Variants in SLC44A1 observed in about 807,000 individuals in gnomAD.
SLC44A1 encodes choline transporter-like protein 1.
SLC44A1 carries 26 observed loss-of-function variants against 79.3 expected under a neutral mutation model. The ratio of observed to expected loss-of-function variants is 0.33; its 90% CI spans 0.24 to 0.46. SLC44A1 has a LOEUF of 0.46. Ranked by LOEUF, SLC44A1 falls within the 20% of genes least tolerant of loss-of-function variation. The pLI is 1.00. For synonymous variants in SLC44A1, 263 were observed against 286.2 expected, an observed-to-expected ratio of 0.92 and a Z score of 0.82; for missense variants, 688 against 798.1, an observed-to-expected ratio of 0.86 and a Z score of 1.66.
At chr9:105,422,103 C>T (rs1829260513) in intron 15 of SLC44A1, among the ~76,000 whole-genome samples, 1 of 152,032 alleles carries the variant, frequency 6.6e-6, no homozygotes, top group Admixed American at 6.6e-5. Flanking sequence ...CCACCAACTT[C>T]CTTTTTATCC....
At chr9:105,258,503 A>G (rs1484730620) in intron 1 of SLC44A1, among the ~76,000 whole-genome samples, 1 of 152,198 alleles carries the variant, frequency 6.6e-6, no homozygotes, top group African/African-American at 2.4e-5. Context: ...CAGAAAGGCT[A>G]GGTACCTTGA....
intron 15 of SLC44A1, among the ~76,000 whole-genome samples, chr9:105,411,541 T>C (rs1475629572): frequency 6.7e-6 from 1 of 149,788 alleles, no homozygotes; most frequent in African/African-American, 2.5e-5. Context: ...ATGTTCTTTA[T>C]GGAAAAAAGC....
At chr9:105,337,819 T>C (rs1467027179) in intron 4 of SLC44A1, among the ~76,000 whole-genome samples, 1 of 152,160 alleles carries the variant, frequency 6.6e-6, no homozygotes, top group Non-Finnish European at 1.5e-5. Context: ...AGAGATGCCC[T>C]ATGGTCCCCT....
chr9:105,263,875 C>T (rs1829899548), intron 1 of SLC44A1, among the ~76,000 whole-genome samples: 1 of 152,058 alleles, frequency 6.6e-6, no homozygotes, highest in African/African-American at 2.4e-5. Flanking sequence ...ATTTCTAGGG[C>T]TTGTTATTTT....
intron 15 of SLC44A1, among the ~76,000 whole-genome samples, chr9:105,402,973 A>AGCT (rs1325291155): frequency 3.4e-5 from 4 of 117,564 alleles, no homozygotes; most frequent in Non-Finnish European, 6.9e-5. Context: ...CTTCACACCC[A>AGCT]GCTTTTTTTT....
intron 1 of SLC44A1, among the ~76,000 whole-genome samples, chr9:105,271,366 C>CT (rs1161671201): frequency 3.3e-5 from 5 of 152,124 alleles, no homozygotes; most frequent in Admixed American, 6.5e-5. Context: ...TCCCTTGTAT[C>CT]TTTTTTTCCC....
chr9:105,373,388 T>C (rs1272707344), intron 12 of SLC44A1, among the ~76,000 whole-genome samples: 1 of 152,142 alleles, frequency 6.6e-6, no homozygotes, highest in Non-Finnish European at 1.5e-5. Flanking sequence ...AAAACATCAA[T>C]GCTGTTCTAG....
At chr9:105,331,346 G>T (rs1347694657) in intron 3 of SLC44A1, among the ~76,000 whole-genome samples, 2 of 152,170 alleles carry the variant, frequency 1.3e-5, no homozygotes, top group Non-Finnish European at 2.9e-5. Context: ...TGCCCTGTTG[G>T]GAGTGAAAGT....
chr9:105,298,031 G>C (rs1453127026), intron 1 of SLC44A1, among the ~76,000 whole-genome samples: 1 of 151,878 alleles, frequency 6.6e-6, no homozygotes, highest in East Asian at 1.9e-4. Context: ...TCATTAGAAA[G>C]CTCAGGGGGG....
At chr9:105,291,178 A>T (rs1009831309) in intron 1 of SLC44A1, among the ~76,000 whole-genome samples, 1 of 152,246 alleles carries the variant, frequency 6.6e-6, no homozygotes, top group African/African-American at 2.4e-5. Context: ...AAAATGATAT[A>T]CATCAGCTCT....
chr9:105,354,119 C>T (rs1256483827), intron 5 of SLC44A1, among the ~76,000 whole-genome samples: 3 of 130,936 alleles, frequency 2.3e-5, no homozygotes, highest in African/African-American at 6.0e-5. Context: ...GGCGCGATCT[C>T]GGCTCACTGC....
At chr9:105,272,578 G>A (rs1830102230) in intron 1 of SLC44A1, among the ~76,000 whole-genome samples, 1 of 150,592 alleles carries the variant, frequency 6.6e-6, no homozygotes. Flanking sequence ...GTATGTATTA[G>A]GTATCACTAT....
In SLC44A1 at chr9:105,265,390, T is replaced by C. The variant is rs559391369; in HGVS notation, c.36+20486T>C. On this transcript the variant is annotated intron_variant, in intron 1 of 15. Transcript: ENST00000374720. ...ATGTCATATAAATGGAATCATACAG[T>C]ATTGTAAACCTTTTGAGTTTGGCTT... is the stretch of plus-strand genomic sequence containing the variant. Among the ~76,000 whole-genome samples the C allele has an allele frequency of 2.6e-5, 4 of 152,346 alleles. No homozygotes were observed. The East Asian group carries it at 7.7e-4, about 29-fold the overall frequency.
At chr9:105,399,979 T>G (rs2131497574), downstream of SLC44A1, among the ~76,000 whole-genome samples, 1 of 149,954 alleles carries the variant, frequency 6.7e-6, no homozygotes, top group Admixed American at 6.6e-5. Context: ...GTGGATCACC[T>G]GAGGTAAGGT....
At chr9:105,282,830 G>A (rs550002133) in intron 1 of SLC44A1, among the ~76,000 whole-genome samples, 1 of 152,344 alleles carries the variant, frequency 6.6e-6, no homozygotes, top group African/African-American at 2.4e-5. Flanking sequence ...ACAGGCGTGA[G>A]CCACTGCGCC....
intron 3 of SLC44A1, among the ~76,000 whole-genome samples, chr9:105,314,918 A>C: frequency 6.6e-6 from 1 of 152,252 alleles, no homozygotes. Context: ...TTACAGGTGA[A>C]GAAACTGAGT....
intron 3 of SLC44A1, among the ~76,000 whole-genome samples, chr9:105,318,871 G>T (rs1826289625): frequency 6.6e-6 from 1 of 152,082 alleles, no homozygotes. Flanking sequence ...TCTCCGTGTT[G>T]TTTGACTAGG....
At position 105,390,430 on chromosome 9, in the gene SLC44A1, CAAAAAAAAAA is replaced by C; in HGVS notation, c.*1386_*1395del. ...TATTGCACTAAATACAGGCTCTGTA[CAAAAAAAAAA>C]AAAAAAAAAAAGCCTCAGCATTTTA... On this transcript the variant is annotated 3_prime_UTR_variant, in exon 16 of 16. Coordinates refer to ENST00000374720, the MANE Select transcript of SLC44A1 (RefSeq NM_080546.5). 2 of 822,934 alleles carry C rather than the reference CAAAAAAAAAA, an allele frequency of 2.4e-6. No homozygotes were observed. Among genetic ancestry groups the C allele is most frequent in the Non-Finnish European group, 2.8e-6 (2 of 718,802 alleles). 51.0% of individuals were successfully genotyped at this position (822,934 alleles called of 1,614,324 possible).
rs550525975 is a variant in SLC44A1, at chr9:105,322,199, G to A, written c.269+12333G>A. ...CACTAAATTAGCTGTGAACTTTCTG[G>A]TTTTGAAGGCAGGAAGGGAAACATA... On this transcript the variant is annotated intron_variant, in intron 3 of 15. Coordinates refer to ENST00000374720, the MANE Select transcript of SLC44A1 (RefSeq NM_080546.5). Among the ~76,000 whole-genome samples, 14 of 152,286 alleles carry A rather than the reference G, an allele frequency of 9.2e-5. 1 individual carries two copies. The highest frequency in any genetic ancestry group is 3.1e-4 in the African/African-American group (13 of 41,558).
Sources: allele counts gnomAD v4.1 joint callset (sites outside exome capture counted in the v4.1 genomes callset), GRCh38; gene constraint gnomAD v4.1.1; transcripts MANE v1.5; gene names NCBI Gene and HGNC (gene_info 2026-07-23, HGNC 2026-07-21).